Variants in FER observed in about 807,000 individuals in gnomAD.
FER encodes the protein tyrosine-protein kinase Fer.
Under a neutral mutation model 111.0 loss-of-function variants are expected in FER, and 63 were observed. That is an observed-to-expected ratio of 0.57 (90% CI 0.46 to 0.70). FER has a LOEUF of 0.70. Among genes scored for constraint, FER ranks in the 30% least tolerant of loss-of-function variants. The probability of loss-of-function intolerance (pLI) is 0.00; values close to 1 mark genes in which losing one functional copy is unlikely to be tolerated. For missense variants in FER, 914 were observed against 954.0 expected (o/e 0.96, Z 0.55); for synonymous variants, 327 against 313.9 (o/e 1.04, Z -0.44).
At chr5:108,849,067 A>C (rs1185270459) in intron 5 of FER, among the ~76,000 whole-genome samples, 3 of 152,064 alleles carry the variant, frequency 2.0e-5, no homozygotes, top group Non-Finnish European at 4.4e-5. Context: ...GTAGCTTTTA[A>C]GATTTTCCTT....
At chr5:108,972,833 C>T (rs1760845489) in intron 13 of FER, among the ~76,000 whole-genome samples, 1 of 152,092 alleles carries the variant, frequency 6.6e-6, no homozygotes, top group Non-Finnish European at 1.5e-5. Context: ...TGTGTGGCAT[C>T]TCTTTGGAAA....
chr5:109,104,829 G>A (rs1230951643), intron 17 of FER, among the ~76,000 whole-genome samples: 1 of 151,758 alleles, frequency 6.6e-6, no homozygotes, highest in Non-Finnish European at 1.5e-5. Context: ...TGCAAGCTCT[G>A]CCTCCCAGGT....
At chr5:109,137,970 C>G (rs1442492806) in intron 17 of FER, among the ~76,000 whole-genome samples, 1 of 152,186 alleles carries the variant, frequency 6.6e-6, no homozygotes, top group Non-Finnish European at 1.5e-5. Context: ...GGCCTACTCT[C>G]TAGCTCTAGT....
At chr5:108,994,417 T>C (rs1763732127) in intron 13 of FER, among the ~76,000 whole-genome samples, 1 of 152,190 alleles carries the variant, frequency 6.6e-6, no homozygotes, top group African/African-American at 2.4e-5. Context: ...ATCAGATGGT[T>C]GTAGATGTGC....
chr5:109,129,720 G>T (rs1752151519), intron 17 of FER, among the ~76,000 whole-genome samples: 1 of 151,976 alleles, frequency 6.6e-6, no homozygotes, highest in Non-Finnish European at 1.5e-5. Context: ...GTATAAATTG[G>T]TACAAGGTTT....
At chr5:109,142,612 G>A (rs886457615) in intron 17 of FER, among the ~76,000 whole-genome samples, 1 of 152,138 alleles carries the variant, frequency 6.6e-6, no homozygotes, top group Non-Finnish European at 1.5e-5. Flanking sequence ...CGGATCCAAA[G>A]TAAATATTTA....
At chr5:108,774,897 T>C (rs1271458226) in intron 2 of FER, among the ~76,000 whole-genome samples, 2 of 152,228 alleles carry the variant, frequency 1.3e-5, no homozygotes, top group Non-Finnish European at 2.9e-5. Context: ...TTTAGTTTAA[T>C]TAGATCCCAT....
In FER at chr5:109,188,854, T is replaced by C. The variant is rs1335053729; in HGVS notation, c.*1279T>C. 2.6e-5 allele frequency: 4 copies of C among 152,150 alleles called. No homozygotes were observed. The highest frequency in any genetic ancestry group is 5.9e-5 in the Non-Finnish European group (4 of 68,026). 9.4% of individuals were successfully genotyped at this position (152,150 alleles called of 1,614,324 possible). The stretch of plus-strand genomic sequence containing the variant: ...ATGTAATTTCCTTTATTTGTACCAG[T>C]TTTTAGAGCTGTCAGAATTTCATGA... On this transcript the variant is annotated 3_prime_UTR_variant, in exon 20 of 20. Coordinates refer to ENST00000281092, the MANE Select transcript of FER (RefSeq NM_005246.4).
At chr5:108,845,613 C>A (rs887014113) in intron 5 of FER, among the ~76,000 whole-genome samples, 4 of 150,828 alleles carry the variant, frequency 2.7e-5, no homozygotes, top group African/African-American at 9.7e-5. Context: ...TTTTCTTTTT[C>A]TTTTTCTTGC....
At chr5:108,918,908 C>T (rs1017913285) in intron 10 of FER, among the ~76,000 whole-genome samples, 3 of 152,094 alleles carry the variant, frequency 2.0e-5, no homozygotes, top group African/African-American at 4.8e-5. Flanking sequence ...GGAGAGTTCT[C>T]GATTGCAGAT....
chr5:109,076,755 C>G (rs1477763739), intron 16 of FER, among the ~76,000 whole-genome samples: 1 of 152,118 alleles, frequency 6.6e-6, no homozygotes, highest in Non-Finnish European at 1.5e-5. Context: ...TTGTTTCAAA[C>G]TGGAAGTCTG....
intron 13 of FER, among the ~76,000 whole-genome samples, chr5:109,024,905 G>C (rs369954848): frequency 0.043 from 6,336 of 147,192 alleles, 251 homozygotes; most frequent in South Asian, 0.087. Flanking sequence ...GTTTTTCTCA[G>C]GTTTGTCAAA....
At chr5:108,801,709 G>T (rs1193175185) in intron 3 of FER, among the ~76,000 whole-genome samples, 1 of 152,106 alleles carries the variant, frequency 6.6e-6, no homozygotes, top group African/African-American at 2.4e-5. Flanking sequence ...TCTTACTGTA[G>T]CTCTTAGCAA....
In FER at chr5:108,954,714, T is replaced by A. The variant is rs77267931; in HGVS notation, c.1330-15T>A. ...TTTCTCTAATTTAGTTTTTTTTTTT[T>A]AATATTTGTTTAAGCTTTCTGATAT... On this transcript the variant is annotated splice_polypyrimidine_tract_variant and intron_variant, in intron 11 of 19. Transcript: ENST00000281092. 3.6e-5 allele frequency: 53 copies of A among 1,474,166 alleles called. No individual in the cohort carries two copies. Among genetic ancestry groups the A allele is most frequent in the African/African-American group, 2.0e-4 (14 of 68,500 alleles). The allele number at this position is 1,474,166 out of a possible 1,614,324, so 91.3% of individuals were successfully genotyped here.
At chr5:109,131,136 T>C (rs1752315092) in intron 17 of FER, among the ~76,000 whole-genome samples, 1 of 152,166 alleles carries the variant, frequency 6.6e-6, no homozygotes, top group East Asian at 1.9e-4. Context: ...TTCTGGTAAA[T>C]CATCTCTTGA....
At position 109,121,530 on chromosome 5, in the gene FER, C is replaced by T. The variant is rs1422428768; in HGVS notation, c.2048+21011C>T. ...TGAGGATTTTTGCATCAATGTTCAT[C>T]AGGGATATTGACCTGTAGTTTTCTT... On this transcript the variant is annotated intron_variant, in intron 17 of 19. Transcript: ENST00000281092. 3.3e-5 allele frequency among the ~76,000 whole-genome samples: 5 copies of T among 152,046 alleles called. No individual in the cohort carries two copies. The East Asian group carries it at 9.6e-4, about 29-fold the overall frequency.
At chr5:109,121,188 G>C (rs773344792) in intron 17 of FER, among the ~76,000 whole-genome samples, 2 of 152,076 alleles carry the variant, frequency 1.3e-5, no homozygotes, top group African/African-American at 4.8e-5. Context: ...TAGAGGAAAG[G>C]CTTTCAGTTT....
chr5:109,106,257 AGAAAGAC>A (rs1748913375), intron 17 of FER, among the ~76,000 whole-genome samples: 1 of 152,250 alleles, frequency 6.6e-6, no homozygotes, highest in Admixed American at 6.5e-5. Flanking sequence ...ACATAATTTT[AGAAAGAC>A]AAACCAAGAT....
chr5:109,180,694 A>G, intron 17 of FER, 53 bp from the exon 18 acceptor site: 1 of 1,541,338 alleles, frequency 6.5e-7, no homozygotes, highest in South Asian at 1.3e-5. Context: ...TAAATGTGAA[A>G]GTGGCTTTCA....
Sources: allele counts gnomAD v4.1 joint callset (sites outside exome capture counted in the v4.1 genomes callset), GRCh38; gene constraint gnomAD v4.1.1; transcripts MANE v1.5; gene names NCBI Gene and HGNC (gene_info 2026-07-23, HGNC 2026-07-21).